Variants in NRXN2 observed in about 807,000 individuals in gnomAD.
NRXN2 encodes the protein neurexin-2-beta.
NRXN2 carries 29 observed loss-of-function variants against 128.8 expected under a neutral mutation model. The observed-to-expected ratio is 0.23, with a 90% confidence interval of 0.17 to 0.31. The LOEUF (loss-of-function observed/expected upper bound fraction) is 0.31, where lower values mean the gene tolerates loss of function less well. Among genes scored for constraint, NRXN2 ranks in the 10% least tolerant of loss-of-function variants. NRXN2 has a pLI of 1.00. For synonymous variants in NRXN2, 1,098 were observed against 1,075.2 expected (o/e 1.02, Z -0.41); for missense variants, 1,881 against 2,452.6 (o/e 0.77, Z 4.92).
rs2057218776 is a variant in NRXN2, at chr11:64,714,344, C to T, written c.-244-401G>A. Among the ~76,000 whole-genome samples the T allele has an allele frequency of 1.3e-5, 2 of 152,202 alleles. No individual in the cohort carries two copies. Among genetic ancestry groups the T allele is most frequent in the African/African-American group, 4.8e-5 (2 of 41,446 alleles). On this transcript the variant is annotated intron_variant, in intron 1 of 22. Coordinates refer to ENST00000265459, the MANE Select transcript of NRXN2 (RefSeq NM_015080.4). The surrounding 1 kb of genome is among the most constrained non-coding windows in gnomAD (Gnocchi z 4.5). ...GCCCCTTCTCTGAACCGCCCAGCCT[C>T]TGCCTGGCTCCCACCTCCAGCCACT...
intron 6 of NRXN2, among the ~76,000 whole-genome samples, chr11:64,683,619 C>CA (rs146075955): frequency 0.021 from 1,554 of 75,388 alleles, 50 homozygotes; most frequent in East Asian, 0.029. Context: ...GACTCCATCT[C>CA]AAAAAAAAAA....
chr11:64,670,332 G>A (rs1478428488), intron 7 of NRXN2, among the ~76,000 whole-genome samples: 1 of 152,082 alleles, frequency 6.6e-6, no homozygotes, highest in Admixed American at 6.5e-5. Context: ...CCCTAAGGCT[G>A]GGAAGTAGGG....
chr11:64,713,998 G>C (rs914781050), intron 1 of NRXN2, 55 bp from the exon 2 acceptor site: 1 of 153,852 alleles, frequency 6.5e-6, no homozygotes, highest in Non-Finnish European at 1.4e-5. Flanking sequence ...AAGGTCCAAC[G>C]AGAGGGGCCG....
intron 22 of NRXN2, among the ~76,000 whole-genome samples, chr11:64,611,769 G>T (rs1480748499): frequency 6.6e-6 from 1 of 151,914 alleles, no homozygotes; most frequent in Non-Finnish European, 1.5e-5. Flanking sequence ...AACCCCAGCT[G>T]CTTCCTGGTC....
rs1457908918 is a variant in NRXN2 at position 64,612,065 on chromosome 11, C to G, written c.4253-3983G>C. 2.6e-5 allele frequency among the ~76,000 whole-genome samples: 4 copies of G among 152,312 alleles called. No individual in the cohort carries two copies. In the East Asian group the frequency reaches 7.7e-4, roughly 29 times the overall value. On this transcript the variant is annotated intron_variant, in intron 22 of 22. Coordinates refer to ENST00000265459, the MANE Select transcript of NRXN2 (RefSeq NM_015080.4). ...TGAGAACGCATGAGGACTTCCTTCC[C>G]TGGGCTCACTCAACCCGGCCTAGGC...
Position 64,667,578 on chromosome 11 carries a change from A to G in NRXN2, c.1470T>C (p.Ala490=). Residue 490 remains alanine, a synonymous_variant, in exon 9 of 23, where the codon GCT becomes GCC. Transcript: ENST00000265459. The surrounding 1 kb of genome is among the most constrained non-coding windows in gnomAD (Gnocchi z 5.6). Reference sequence around the variant, plus strand: ...TCTCAAAGGTCACAGGGTCCAGGGCAGCCACATCCTCACAGCGGAATGACA... The same window carrying G: ...TCTCAAAGGTCACAGGGTCCAGGGCGGCCACATCCTCACAGCGGAATGACA... The part of the protein sequence containing the change: ...GDLSFRCEDV[A]ALDPVTFESP... 6.2e-7 allele frequency: 1 copy of G among 1,614,254 alleles called. No homozygotes were observed. Among genetic ancestry groups the G allele is most frequent in the Non-Finnish European group, 8.5e-7 (1 of 1,180,050 alleles).
chr11:64,641,067 G>A (rs2045590666), intron 17 of NRXN2, among the ~76,000 whole-genome samples: 2 of 152,168 alleles, frequency 1.3e-5, no homozygotes, highest in Non-Finnish European at 2.9e-5. Context: ...TGGGTACAAA[G>A]CGAGAACTGA....
intron 3 of NRXN2, among the ~76,000 whole-genome samples, chr11:64,696,339 T>C (rs1049044830): frequency 9.9e-5 from 15 of 151,518 alleles, no homozygotes; most frequent in Admixed American, 5.3e-4. Context: ...ATGCTCTACA[T>C]AGGCATACAG....
At chr11:64,692,049 G>C (rs1016785299) in intron 4 of NRXN2, among the ~76,000 whole-genome samples, 1 of 152,192 alleles carries the variant, frequency 6.6e-6, no homozygotes, top group Non-Finnish European at 1.5e-5. Flanking sequence ...GGACTCCTGA[G>C]TTCTGTCTCC....
At chr11:64,701,908 G>A (rs556363769) in intron 2 of NRXN2, among the ~76,000 whole-genome samples, 14 of 143,552 alleles carry the variant, frequency 9.8e-5, no homozygotes, top group South Asian at 4.4e-4. Context: ...GAGGTGGGGG[G>A]GGTCAGCCCC....
chr11:64,686,029 C>T, intron 5 of NRXN2, 82 bp from the exon 6 acceptor site: 5 of 1,500,348 alleles, frequency 3.3e-6, no homozygotes, highest in Non-Finnish European at 3.7e-6. Flanking sequence ...TCCAGCAACG[C>T]AGGCACTGGT....
At position 64,660,774 on chromosome 11, in the gene NRXN2, G is replaced by A. The variant is rs753210659; in HGVS notation, c.2164C>T (p.Leu722Phe). Residue 722 changes from leucine to phenylalanine, a missense_variant, in exon 10 of 23, where the codon CTT (leucine) becomes TTT (phenylalanine). Transcript: ENST00000265459. This position sits in a 1 kb window ranked among gnomAD's most constrained non-coding sequence, Gnocchi z 5.2. ...FICDCIGTGF[L>F]GRVCEREATV... ...TCACCTCTCTCACAGACCCGCCCAA[G>A]AAAGCCGGTCCCGATGCAGTCACAG... 2.5e-6 allele frequency: 4 copies of A among 1,612,952 alleles called. No individual in the cohort carries two copies. The African/African-American group carries it at 5.3e-5, about 22-fold the overall frequency.
Position 64,651,305 on chromosome 11 carries a change from C to T in NRXN2, c.2868G>A (p.Leu956=), listed in dbSNP as rs116802246. The stretch of plus-strand genomic sequence containing the variant: ...AGTCATTGCCGTTGCCCGAGTTGAA[C>T]AGAAGAAGCCCATCAGGGGCCGTGG... ...FKTTAPDGLL[L]FNSGNGNDFI... Residue 956 remains leucine, a synonymous_variant, in exon 14 of 23, where the codon CTG becomes CTA. Coordinates refer to ENST00000265459, the MANE Select transcript of NRXN2 (RefSeq NM_015080.4). This position sits in a 1 kb window ranked among gnomAD's most constrained non-coding sequence, Gnocchi z 5.9. 5 of 1,614,180 alleles carry T rather than the reference C, an allele frequency of 3.1e-6. No homozygotes were observed. The African/African-American group carries it at 5.3e-5, about 17-fold the overall frequency.
chr11:64,622,707 C>T lies in NRXN2; in HGVS notation c.4173+46G>A, dbSNP rs760083062. 13 of 1,581,504 alleles carry T rather than the reference C, an allele frequency of 8.2e-6. No individual in the cohort carries two copies. In the South Asian group the frequency reaches 1.4e-4, roughly 16 times the overall value. ...GTGGCTATGCAGATATCAACCCCATCCCCACCTATCCCTGCCCTAATCCAC... is the reference window on the plus strand; with the variant it reads ...GTGGCTATGCAGATATCAACCCCATTCCCACCTATCCCTGCCCTAATCCAC... On this transcript the variant is annotated intron_variant, in intron 21 of 22. Transcript: ENST00000265459. This position sits in a 1 kb window ranked among gnomAD's most constrained non-coding sequence, Gnocchi z 4.3.
chr11:64,688,336 A>G, intron 5 of NRXN2: 1 of 985,430 alleles, frequency 1.0e-6, no homozygotes, highest in South Asian at 4.7e-5. Context: ...AGGCCTGAGG[A>G]GCAGCCAAAG....
At chr11:64,722,245 C>T (rs1171108959) in intron 1 of NRXN2, among the ~76,000 whole-genome samples, 1 of 149,282 alleles carries the variant, frequency 6.7e-6, no homozygotes, top group Non-Finnish European at 1.5e-5. Flanking sequence ...CGCATTCCCA[C>T]CCCAGCAAAG....
Position 64,660,907 on chromosome 11 carries a change from C to T in NRXN2, c.2031G>A (p.Gln677=). 6.2e-7 allele frequency: 1 copy of T among 1,613,646 alleles called. No homozygotes were observed. The highest frequency in any genetic ancestry group is 8.5e-7 in the Non-Finnish European group (1 of 1,179,744). Residue 677 remains glutamine (Q), a synonymous_variant, in exon 10 of 23, where the codon CAG becomes CAA. Transcript: ENST00000265459. This position sits in a 1 kb window ranked among gnomAD's most constrained non-coding sequence, Gnocchi z 5.2. ...SRDLRGLAEA[Q]GAVGVAPFCS... ...AAAAGGGGGCAACGCCCACAGCCCC[C>T]TGAGCCTCAGCCAGGCCCCGGAGGT...
chr11:64,707,599 C>G (rs531277396), intron 2 of NRXN2, among the ~76,000 whole-genome samples: 6 of 152,332 alleles, frequency 3.9e-5, no homozygotes, highest in Middle Eastern at 3.4e-3. Context: ...GTACCAGGCA[C>G]TGTTCTAAGC....
At chr11:64,719,277 C>CA (rs1259503311) in intron 1 of NRXN2, among the ~76,000 whole-genome samples, 1 of 152,146 alleles carries the variant, frequency 6.6e-6, no homozygotes, top group Non-Finnish European at 1.5e-5. Context: ...AATAGATACT[C>CA]AAAGGGGAGA....
Sources: allele counts gnomAD v4.1 joint callset (sites outside exome capture counted in the v4.1 genomes callset), GRCh38; gene constraint gnomAD v4.1.1; non-coding constraint Gnocchi (gnomAD v3.1); transcripts MANE v1.5; gene names NCBI Gene and HGNC (gene_info 2026-07-23, HGNC 2026-07-21).